The following ST3GAL3 variants were observed in gnomAD, a reference collection of about 807,000 sequenced individuals.
ST3GAL3 encodes the protein CMP-N-acetylneuraminate-beta-1,4-galactoside alpha-2,3-sialyltransferase.
A neutral mutation model predicts 50.1 loss-of-function variants in ST3GAL3; 21 were observed. The observed-to-expected ratio is 0.42, with a 90% CI of 0.30 to 0.60. The LOEUF (loss-of-function observed/expected upper bound fraction) is 0.60, where lower values mean the gene tolerates loss of function less well. Among genes scored for constraint, ST3GAL3 ranks in the 20% least tolerant of loss-of-function variants. The pLI, the probability that ST3GAL3 is intolerant of heterozygous loss-of-function variation, is 0.19. For missense variants in ST3GAL3, 353 were observed against 489.4 expected, an observed-to-expected ratio of 0.72 and a Z score of 2.63; for synonymous variants, 183 against 190.0, an observed-to-expected ratio of 0.96 and a Z score of 0.30.
chr1:43,753,064 T>G (rs1421228468), intron 2 of ST3GAL3, among the ~76,000 whole-genome samples: 1 of 152,204 alleles, frequency 6.6e-6, no homozygotes, highest in Non-Finnish European at 1.5e-5. Flanking sequence ...AACTAAACAA[T>G]TTACAGAAAC....
Position 43,890,904 on chromosome 1 carries a change from C to T in ST3GAL3, c.303-3479C>T, listed in dbSNP as rs112248328. On this transcript the variant is annotated intron_variant, in intron 5 of 11. Transcript: ENST00000347631. ...ACAGATGAACATGCTCAACAATATCCGAATGCAACTGGGAAAATATGGAAT... is the reference window on the plus strand; with the variant it reads ...ACAGATGAACATGCTCAACAATATCTGAATGCAACTGGGAAAATATGGAAT... Among the ~76,000 whole-genome samples, 657 of 151,970 alleles carry T rather than the reference C, an allele frequency of 4.3e-3. 10 individuals carry two copies. Among genetic ancestry groups the T allele is most frequent in the African/African-American group, 0.015 (612 of 41,444 alleles).
In ST3GAL3 at chr1:43,899,852, A is replaced by C; in HGVS notation, c.744+125A>C. On this transcript the variant is annotated intron_variant, in intron 9 of 11. Coordinates refer to ENST00000347631, the MANE Select transcript of ST3GAL3 (RefSeq NM_006279.5). The surrounding 1 kb of genome is among the most constrained non-coding windows in gnomAD (Gnocchi z 5.4). ...CTTCAAAGGAAACATTAATGACCCAAAGCCGAAATCACCCAATGGCAACCA... is the reference window on the plus strand; with the variant it reads ...CTTCAAAGGAAACATTAATGACCCACAGCCGAAATCACCCAATGGCAACCA... 2.9e-6 allele frequency: 3 copies of C among 1,036,506 alleles called. No individual in the cohort carries two copies. The highest frequency in any genetic ancestry group is 4.4e-6 in the Non-Finnish European group (3 of 684,068). The allele number at this position is 1,036,506 out of a possible 1,614,324, so 64.2% of individuals were successfully genotyped here.
At chr1:43,713,187 G>T (rs1349271578) in intron 1 of ST3GAL3, among the ~76,000 whole-genome samples, 1 of 152,316 alleles carries the variant, frequency 6.6e-6, no homozygotes, top group East Asian at 1.9e-4. Flanking sequence ...GCATGTCTGT[G>T]TGCTTCCTAG....
chr1:43,908,900 G>A (rs1254913259), intron 9 of ST3GAL3, among the ~76,000 whole-genome samples: 1 of 152,104 alleles, frequency 6.6e-6, no homozygotes, highest in African/African-American at 2.4e-5. Context: ...CCAAAGTGCT[G>A]GAATTACAGG....
chr1:43,861,466 C>G lies in ST3GAL3; in HGVS notation c.302+23155C>G, dbSNP rs896063953. Among the ~76,000 whole-genome samples the G allele has an allele frequency of 1.1e-4, 17 of 151,468 alleles. No individual in the cohort carries two copies. The East Asian group carries it at 2.9e-3, about 26-fold the overall frequency. On this transcript the variant is annotated intron_variant, in intron 5 of 11. Coordinates refer to ENST00000347631, the MANE Select transcript of ST3GAL3 (RefSeq NM_006279.5). ...GGACTTGTATAGACTGCATACAAAC[C>G]CAGGTGACTGGCATTTGTTGATACA... is the stretch of plus-strand genomic sequence containing the variant.
chr1:43,717,247 G>C (rs1024266843), intron 1 of ST3GAL3, among the ~76,000 whole-genome samples: 1 of 152,162 alleles, frequency 6.6e-6, no homozygotes, highest in African/African-American at 2.4e-5. Context: ...CTGTGTGTCC[G>C]CTGCTTTACT....
chr1:43,903,597 T>C (rs1308634786), intron 9 of ST3GAL3, among the ~76,000 whole-genome samples: 1 of 152,154 alleles, frequency 6.6e-6, no homozygotes, highest in Non-Finnish European at 1.5e-5. Flanking sequence ...AGGACAGGGC[T>C]GGGAGTGGGT....
intron 2 of ST3GAL3, among the ~76,000 whole-genome samples, chr1:43,759,771 G>C (rs144334654): frequency 1.3e-5 from 2 of 152,136 alleles, no homozygotes; most frequent in African/African-American, 4.8e-5. Flanking sequence ...ACTGCCACAC[G>C]TGGTAGGAAA....
intron 11 of ST3GAL3, among the ~76,000 whole-genome samples, chr1:43,923,702 A>C (rs900240771): frequency 3.3e-5 from 5 of 152,006 alleles, no homozygotes; most frequent in Non-Finnish European, 5.9e-5. Context: ...TGTAGCCATA[A>C]ACCCCTGGGC....
chr1:43,789,519 G>C (rs957515977), intron 2 of ST3GAL3, among the ~76,000 whole-genome samples: 3 of 152,138 alleles, frequency 2.0e-5, no homozygotes, highest in Non-Finnish European at 4.4e-5. Flanking sequence ...TTTAAAAGCA[G>C]GGGTTGGAGG....
intron 2 of ST3GAL3, among the ~76,000 whole-genome samples, chr1:43,740,181 G>T (rs922248758): frequency 6.6e-6 from 1 of 151,876 alleles, no homozygotes; most frequent in South Asian, 2.1e-4. Context: ...GGCTAACATG[G>T]TGAAACCCCG....
intron 1 of ST3GAL3, among the ~76,000 whole-genome samples, chr1:43,730,000 C>G (rs1674916076): frequency 6.6e-6 from 1 of 152,164 alleles, no homozygotes; most frequent in African/African-American, 2.4e-5. Flanking sequence ...GACTTTTGTC[C>G]TAGCGGCGAG....
intron 1 of ST3GAL3, among the ~76,000 whole-genome samples, chr1:43,734,496 G>A (rs1036287291): frequency 1.3e-5 from 2 of 151,790 alleles, no homozygotes; most frequent in African/African-American, 4.8e-5. Flanking sequence ...TTTTTGTAGA[G>A]ATAGGATCTC....
intron 2 of ST3GAL3, among the ~76,000 whole-genome samples, chr1:43,740,411 G>T (rs963184222): frequency 1.3e-5 from 2 of 151,986 alleles, no homozygotes. Flanking sequence ...ATAGGAGTCG[G>T]GTAGTTGCCT....
chr1:43,787,780 G>T (rs1443804703), intron 2 of ST3GAL3, among the ~76,000 whole-genome samples: 2 of 152,178 alleles, frequency 1.3e-5, no homozygotes, highest in African/African-American at 4.8e-5. Context: ...CTCTAATTTG[G>T]CTCCATGGGG....
At chr1:43,802,083 G>C (rs2059388128) in intron 3 of ST3GAL3, among the ~76,000 whole-genome samples, 1 of 152,054 alleles carries the variant, frequency 6.6e-6, no homozygotes, top group Non-Finnish European at 1.5e-5. Context: ...ATTAAATATT[G>C]AATTGCTATA....
intron 3 of ST3GAL3, among the ~76,000 whole-genome samples, chr1:43,809,924 T>C (rs246775): frequency 0.9 from 134,854 of 149,442 alleles, 60,991 homozygotes; most frequent in African/African-American, 0.96. Flanking sequence ...ACCCGGGAGG[T>C]GGAGGTTGCA....
intron 2 of ST3GAL3, among the ~76,000 whole-genome samples, chr1:43,754,381 G>A (rs148240348): frequency 3.9e-5 from 6 of 152,036 alleles, no homozygotes; most frequent in Admixed American, 3.3e-4. Context: ...TAGTAGAGAC[G>A]AGGTTTCACC....
In ST3GAL3 at chr1:43,899,086, G is replaced by A. The variant is rs537258633; in HGVS notation, c.462-82G>A. The stretch of plus-strand genomic sequence containing the variant: ...TCCCAGCCTGGTCCTGGACAAGGGC[G>A]TGGGGTCAAGGGCCAAAGGAGCAGG... On this transcript the variant is annotated intron_variant, in intron 7 of 11. Transcript: ENST00000347631. The surrounding 1 kb of genome is among the most constrained non-coding windows in gnomAD (Gnocchi z 5.4). The A allele has an allele frequency of 1.5e-4, 241 of 1,595,006 alleles. 2 individuals are homozygous for A. In the Admixed American group the frequency reaches 1.8e-3, roughly 12 times the overall value.
Sources: allele counts gnomAD v4.1 joint callset (sites outside exome capture counted in the v4.1 genomes callset), GRCh38; gene constraint gnomAD v4.1.1; non-coding constraint Gnocchi (gnomAD v3.1); transcripts MANE v1.5; gene names NCBI Gene and HGNC (gene_info 2026-07-23, HGNC 2026-07-21).